Variants in CMYA5 observed in about 807,000 individuals in gnomAD.
CMYA5 encodes cardiomyopathy-associated protein 5.
A neutral mutation model predicts 318.9 loss-of-function variants in CMYA5; 246 were observed. The observed-to-expected ratio is 0.77, with a 90% confidence interval of 0.70 to 0.86. CMYA5 has a LOEUF of 0.86. Among genes scored for constraint, CMYA5 ranks in the 40% least tolerant of loss-of-function variants. The pLI is 0.00. For synonymous variants in CMYA5, 1,641 were observed against 1,729.5 expected, an observed-to-expected ratio of 0.95 and a Z score of 1.27; for missense variants, 4,589 against 4,678.2, an observed-to-expected ratio of 0.98 and a Z score of 0.56.
rs796623592 is a variant in CMYA5 at position 79,764,839 on chromosome 5, T to TG, written c.11555+1630_11555+1631insG. Among the ~76,000 whole-genome samples, 902 of 151,860 alleles carry TG rather than the reference T, an allele frequency of 5.9e-3. 9 individuals are homozygous for TG. Among genetic ancestry groups the TG allele is most frequent in the African/African-American group, 0.021 (857 of 41,478 alleles). On this transcript the variant is annotated intron_variant, in intron 9 of 12. Coordinates refer to ENST00000446378, the MANE Select transcript of CMYA5 (RefSeq NM_153610.5). ...TCCTTTGCCCACTTTTTGATGGGGT[T>TG]TTTTTTTCTTGTAAATTTGTTTAAG...
In CMYA5 at chr5:79,752,715, A is replaced by G; in HGVS notation, c.11031A>G (p.Lys3677=). ...SAMESTASLE[K]MPAAFSLFEH... is the part of the protein sequence containing the mutation. ...TGGAGAGCACTGCTTCTTTAGAGAA[A>G]ATGCCTGCTGCGTTTTCCCTTTTCG... The change falls in exon 6 of 13, where the codon AAA becomes AAG. Residue 3677 remains lysine (K), a synonymous_variant. Coordinates refer to ENST00000446378, the MANE Select transcript of CMYA5 (RefSeq NM_153610.5). 6.2e-7 allele frequency: 1 copy of G among 1,613,686 alleles called. No individual in the cohort carries two copies. Among genetic ancestry groups the G allele is most frequent in the Non-Finnish European group, 8.5e-7 (1 of 1,179,674 alleles).
In CMYA5 at chr5:79,719,853, G is replaced by A. The variant is rs765119172; in HGVS notation, c.150-9062G>A. Among the ~76,000 whole-genome samples the A allele has an allele frequency of 8.5e-5, 13 of 152,140 alleles. 1 individual carries two copies. The highest frequency in any genetic ancestry group is 4.1e-4 in the South Asian group (2 of 4,826). On this transcript the variant is annotated intron_variant, in intron 1 of 12. Coordinates refer to ENST00000446378, the MANE Select transcript of CMYA5 (RefSeq NM_153610.5). ...TGCTTAACTTATTTATAGGGATGGC[G>A]GATATGGAAATAAAAGACAAAATGG...
intron 9 of CMYA5, among the ~76,000 whole-genome samples, chr5:79,778,385 G>A (rs1051725674): frequency 2.6e-5 from 4 of 152,212 alleles, no homozygotes; most frequent in Admixed American, 2.6e-4. Flanking sequence ...GACTAGTAGT[G>A]TATAAGAGTG....
chr5:79,733,350 C>T lies in CMYA5; in HGVS notation c.4585C>T (p.Leu1529Phe). 6.2e-7 allele frequency: 1 copy of T among 1,613,542 alleles called. No individual in the cohort carries two copies. Among genetic ancestry groups the T allele is most frequent in the Non-Finnish European group, 8.5e-7 (1 of 1,179,816 alleles). ...TSEVLEPEHE[L>F]PLSLWGEIKK... ...AGAGGTGTTAGAGCCTGAACATGAG[C>T]TTCCACTCAGCCTATGGGGTGAGAT... Residue 1529 changes from leucine (L) to phenylalanine (F), a missense_variant, in exon 2 of 13, where the codon CTT (leucine) becomes TTT (phenylalanine). Leu to Phe is a conservative substitution (Grantham distance 22, BLOSUM62 0). Coordinates refer to ENST00000446378, the MANE Select transcript of CMYA5 (RefSeq NM_153610.5).
intron 9 of CMYA5, among the ~76,000 whole-genome samples, chr5:79,765,801 G>C (rs1275602192): frequency 6.6e-6 from 1 of 152,154 alleles, no homozygotes; most frequent in African/African-American, 2.4e-5. Flanking sequence ...GTCTATTATG[G>C]TTGTACAGGA....
chr5:79,778,302 G>A (rs1243093057), intron 9 of CMYA5, among the ~76,000 whole-genome samples: 1 of 152,190 alleles, frequency 6.6e-6, no homozygotes, highest in Non-Finnish European at 1.5e-5. Flanking sequence ...TGGTTAAAAA[G>A]TGTGTACATT....
Position 79,758,770 on chromosome 5 carries a change from T to G in CMYA5, c.11128T>G (p.Leu3710Val). The change falls in exon 7 of 13, where the codon TTA becomes GTA. Residue 3710 changes from leucine to valine, a missense_variant. By Grantham distance (32) the Leu-to-Val change is conservative. Coordinates refer to ENST00000446378, the MANE Select transcript of CMYA5 (RefSeq NM_153610.5). ...TATTCCAGTTCCACAGCCTCCTAGATTAGAACCTCAGGAACCAAATTCTGC... is the reference window on the plus strand; with the variant it reads ...TATTCCAGTTCCACAGCCTCCTAGAGTAGAACCTCAGGAACCAAATTCTGC... ...KQVAVPQPPR[L>V]EPQEPNSATS... 2.5e-6 allele frequency: 4 copies of G among 1,606,438 alleles called. No homozygotes were observed. Among genetic ancestry groups the G allele is most frequent in the Non-Finnish European group, 3.4e-6 (4 of 1,176,724 alleles).
In CMYA5 at chr5:79,735,484, A is replaced by G. The variant is rs1171422245; in HGVS notation, c.6719A>G (p.Glu2240Gly). ...AEKPADHSLS[E>G]VKLKTADEPR... Reference sequence around the variant, plus strand: ...AAACCAGCTGATCATTCATTATCAGAGGTAAAACTTAAAACTGCTGATGAA... The same window carrying G: ...AAACCAGCTGATCATTCATTATCAGGGGTAAAACTTAAAACTGCTGATGAA... The change falls in exon 2 of 13, where the codon GAG (glutamate) becomes GGG (glycine). Residue 2240 changes from glutamate to glycine, a missense_variant. Glu to Gly is a moderately conservative substitution (Grantham distance 98). Around this residue, in one of 3 missense-constraint regions of CMYA5, gnomAD observed 2,431 missense variants for 2,495.1 expected, o/e 0.97. Transcript: ENST00000446378. 9.3e-6 allele frequency: 15 copies of G among 1,613,802 alleles called. No individual in the cohort carries two copies. The highest frequency in any genetic ancestry group is 1.1e-5 in the Non-Finnish European group (13 of 1,179,754).
chr5:79,738,697 T>G lies in CMYA5; in HGVS notation c.9932T>G (p.Val3311Gly). 6.2e-7 allele frequency: 1 copy of G among 1,613,884 alleles called. No homozygotes were observed. Among genetic ancestry groups the G allele is most frequent in the Non-Finnish European group, 8.5e-7 (1 of 1,179,852 alleles). Residue 3311 changes from valine to glycine, a missense_variant, in exon 2 of 13, where the codon GTG becomes GGG. This residue lies in a region of CMYA5 where 2,431 missense variants were observed against 2,495.1 expected (regional missense o/e 0.97). Transcript: ENST00000446378. ...GGGGAAGGAGAATCAGTAGACCATG[T>G]GGAGACCGTTGGTAACGTAGCGATG... ...VYGEGESVDH[V>G]ETVGNVAMQK...
chr5:79,729,064 A>G lies in CMYA5; in HGVS notation c.299A>G (p.Glu100Gly), dbSNP rs1473840300. ...TCTTCTACTCCTTGGGCTTCAGAAG[A>G]AAGTCAGACTTCTGGTGTGTGTAGT... ...SRSSTPWASE[E>G]SQTSGVCSRE... Residue 100 changes from glutamate (E) to glycine (G), a missense_variant, in exon 2 of 13, where the codon GAA becomes GGA. Physicochemically the swap from Glu to Gly is moderately conservative, Grantham distance 98. Coordinates refer to ENST00000446378, the MANE Select transcript of CMYA5 (RefSeq NM_153610.5). The G allele has an allele frequency of 6.2e-7, 1 of 1,613,978 alleles. No individual in the cohort carries two copies. Among genetic ancestry groups the G allele is most frequent in the Non-Finnish European group, 8.5e-7 (1 of 1,179,882 alleles).
intron 11 of CMYA5, 85 bp downstream of exon 11, chr5:79,791,154 G>A (rs996257826): frequency 2.5e-6 from 2 of 814,492 alleles, no homozygotes; most frequent in African/African-American, 3.4e-5. Context: ...CCTCCGCTGA[G>A]CATATTCATG....
chr5:79,708,952 A>T (rs754437579), intron 1 of CMYA5, among the ~76,000 whole-genome samples: 106 of 151,994 alleles, frequency 7.0e-4, no homozygotes, highest in South Asian at 1.7e-3. Context: ...AATTTTTTTT[A>T]AATTTAATTT....
At position 79,732,901 on chromosome 5, in the gene CMYA5, T is replaced by C; in HGVS notation, c.4136T>C (p.Leu1379Pro). 1 of 1,613,794 alleles carries C rather than the reference T, an allele frequency of 6.2e-7. No individual in the cohort carries two copies. Among genetic ancestry groups the C allele is most frequent in the Non-Finnish European group, 8.5e-7 (1 of 1,179,816 alleles). Residue 1379 changes from leucine (L) to proline (P), a missense_variant, in exon 2 of 13, where the codon CTT (leucine) becomes CCT (proline). Around this residue, in one of 3 missense-constraint regions of CMYA5, gnomAD observed 2,132 missense variants for 2,131.3 expected, o/e 1.00. Transcript: ENST00000446378. ...VKEEIPTDSSLITPVDRPVLT... is the reference protein window; with the variant it reads ...VKEEIPTDSSPITPVDRPVLT... ...GAAGAAATCCCAACAGATTCATCTC[T>C]TATCACTCCTGTAGATCGTCCAGTC...
intron 1 of CMYA5, among the ~76,000 whole-genome samples, chr5:79,693,303 A>C (rs992691311): frequency 2.6e-5 from 4 of 152,054 alleles, no homozygotes; most frequent in Non-Finnish European, 5.9e-5. Flanking sequence ...TAGATTCAGA[A>C]ACTGTCAGGA....
chr5:79,698,675 CCTT>C (rs1362859644), intron 1 of CMYA5, among the ~76,000 whole-genome samples: 1 of 152,228 alleles, frequency 6.6e-6, no homozygotes, highest in African/African-American at 2.4e-5. Context: ...TAGTTCACTC[CCTT>C]CTTGTCTTCC....
Position 79,734,618 on chromosome 5 carries a change from T to C in CMYA5, c.5853T>C (p.Ala1951=). ...EVRKQVLPHS[A]EESHLSSQEA... ...GAAAGCAGGTCCTGCCGCATTCTGCTGAAGAATCTCATTTGTCATCACAAG... is the reference window on the plus strand; with the variant it reads ...GAAAGCAGGTCCTGCCGCATTCTGCCGAAGAATCTCATTTGTCATCACAAG... The change falls in exon 2 of 13, where the codon GCT becomes GCC. Residue 1951 remains alanine (A), a synonymous_variant. Transcript: ENST00000446378. The C allele has an allele frequency of 3.1e-6, 5 of 1,613,906 alleles. No individual in the cohort carries two copies. Among genetic ancestry groups the C allele is most frequent in the Non-Finnish European group, 4.2e-6 (5 of 1,179,832 alleles).
In CMYA5 at chr5:79,736,834, CA is replaced by C. The variant is rs1561212291; in HGVS notation, c.8073del (p.Glu2692LysfsTer3). The stretch of plus-strand genomic sequence containing the variant: ...TCGAAAGGCGGTTCAGTAGATATCA[CA>C]AAAGAAACTGTGAAACAAGGATTTC... ...ELSKGGSVDI[T>X]KETVKQGFQE... On this transcript the variant is annotated frameshift_variant, in exon 2 of 13. Transcript: ENST00000446378. LOFTEE classifies it high-confidence loss of function. 1 of 1,610,642 alleles carries C rather than the reference CA, an allele frequency of 6.2e-7. No homozygotes were observed. The highest frequency in any genetic ancestry group is 2.2e-5 in the East Asian group (1 of 44,760).
At position 79,731,802 on chromosome 5, in the gene CMYA5, A is replaced by G; in HGVS notation, c.3037A>G (p.Ile1013Val). 1.9e-6 allele frequency: 3 copies of G among 1,613,054 alleles called. No homozygotes were observed. The highest frequency in any genetic ancestry group is 2.5e-6 in the Non-Finnish European group (3 of 1,179,608). ...ASQVSIPPFR[I>V]SETEKNELEP... is the part of the protein sequence containing the mutation. ...ACAAGTTTCAATCCCTCCCTTTAGA[A>G]TCTCAGAAACAGAGAAAAATGAACT... The change falls in exon 2 of 13, where the codon ATC becomes GTC. Residue 1013 changes from isoleucine (I) to valine (V), a missense_variant. Transcript: ENST00000446378.
chr5:79,789,413 G>T (rs1003373589), intron 10 of CMYA5, among the ~76,000 whole-genome samples: 2 of 140,432 alleles, frequency 1.4e-5, no homozygotes, highest in Admixed American at 7.5e-5. Context: ...TATGTTTTTA[G>T]AAATCTCTCT....
Sources: gnomAD v4.1 joint callset for allele counts (sites outside exome capture counted in the v4.1 genomes callset) on GRCh38, gnomAD v4.1.1 for gene constraint, gnomAD v4.1.1 regional missense constraint, MANE v1.5 for transcripts, NCBI Gene and HGNC (gene_info 2026-07-23, HGNC 2026-07-21) for gene names.